TNR: variants seen among roughly 807,000 people sequenced by gnomAD.
TNR encodes tenascin R.
TNR carries 45 observed loss-of-function variants against 150.4 expected under a neutral mutation model. The observed-to-expected ratio is 0.30, with a 90% CI of 0.24 to 0.38. The LOEUF (loss-of-function observed/expected upper bound fraction) is 0.38, where lower values mean the gene tolerates loss of function less well. Ranked by LOEUF, TNR falls within the 10% of genes least tolerant of loss-of-function variation. The pLI is 1.00. For synonymous variants in TNR, 687 were observed against 678.4 expected, an observed-to-expected ratio of 1.01 and a Z score of -0.20; for missense variants, 1,544 against 1,759.1, an observed-to-expected ratio of 0.88 and a Z score of 2.19.
At chr1:175,446,577 A>G (rs896856937) in intron 2 of TNR, among the ~76,000 whole-genome samples, 2 of 152,198 alleles carry the variant, frequency 1.3e-5, no homozygotes, top group Non-Finnish European at 2.9e-5. Flanking sequence ...GTACAAACAC[A>G]TACATTATTA....
At chr1:175,472,999 A>G (rs1472612671) in intron 2 of TNR, among the ~76,000 whole-genome samples, 1 of 152,212 alleles carries the variant, frequency 6.6e-6, no homozygotes, top group African/African-American at 2.4e-5. Flanking sequence ...GAGCAGAGGT[A>G]TTGAATGTAG....
intron 1 of TNR, among the ~76,000 whole-genome samples, chr1:175,652,404 A>C (rs535864126): frequency 6.6e-6 from 1 of 152,224 alleles, no homozygotes; most frequent in East Asian, 1.9e-4. Context: ...AATATTTTTC[A>C]ATGTATAAAA....
At chr1:175,711,155 C>G (rs1667002883) in intron 1 of TNR, among the ~76,000 whole-genome samples, 2 of 152,146 alleles carry the variant, frequency 1.3e-5, no homozygotes, top group Admixed American at 6.5e-5. Flanking sequence ...AGACTATATA[C>G]TATGCCAGAG....
intron 1 of TNR, among the ~76,000 whole-genome samples, chr1:175,739,518 G>A (rs1287651929): frequency 4.0e-5 from 6 of 150,720 alleles, no homozygotes; most frequent in African/African-American, 7.3e-5. Context: ...ACACACGCAC[G>A]CACACACACA....
At chr1:175,335,405 G>T (rs992380149) in intron 20 of TNR, 10 of 263,792 alleles carry the variant, frequency 3.8e-5, no homozygotes, top group Non-Finnish European at 1.4e-5. Flanking sequence ...GCAGCCTGTT[G>T]CTCCCTGTGC....
intron 1 of TNR, among the ~76,000 whole-genome samples, chr1:175,738,901 T>C (rs1482664345): frequency 6.6e-6 from 1 of 152,258 alleles, no homozygotes; most frequent in African/African-American, 2.4e-5. Flanking sequence ...TTTATTAGCA[T>C]AGCACATCAT....
At chr1:175,715,169 C>T (rs947137455) in intron 1 of TNR, among the ~76,000 whole-genome samples, 1 of 152,186 alleles carries the variant, frequency 6.6e-6, no homozygotes, top group African/African-American at 2.4e-5. Flanking sequence ...ATGAGAAGCA[C>T]AGTTTGAAAA....
chr1:175,391,149 A>G, intron 7 of TNR, 139 bp downstream of exon 7: 1 of 1,017,912 alleles, frequency 9.8e-7, no homozygotes, highest in East Asian at 2.5e-5. Context: ...GAGTAGCTCC[A>G]TTGCCAGGTA....
chr1:175,639,535 C>A (rs1344518719), intron 1 of TNR, among the ~76,000 whole-genome samples: 2 of 152,166 alleles, frequency 1.3e-5, no homozygotes, highest in East Asian at 1.9e-4. Flanking sequence ...TCAGTAAATT[C>A]TTTTTACCAA....
At chr1:175,430,576 C>A (rs1269002517) in intron 2 of TNR, among the ~76,000 whole-genome samples, 1 of 152,176 alleles carries the variant, frequency 6.6e-6, no homozygotes, top group African/African-American at 2.4e-5. Context: ...TCACCTTACA[C>A]CTTTTTATCT....
chr1:175,716,360 C>A (rs138094821), intron 1 of TNR, among the ~76,000 whole-genome samples: 1 of 152,304 alleles, frequency 6.6e-6, no homozygotes, highest in African/African-American at 2.4e-5. Context: ...CCAAACCTTA[C>A]TCCTCCCACA....
At chr1:175,639,677 G>T (rs1329676850) in intron 1 of TNR, among the ~76,000 whole-genome samples, 1 of 152,068 alleles carries the variant, frequency 6.6e-6, no homozygotes, top group Non-Finnish European at 1.5e-5. Context: ...TAATCTACAA[G>T]ACCTTTCATG....
intron 1 of TNR, among the ~76,000 whole-genome samples, chr1:175,565,634 C>G (rs1661612215): frequency 6.6e-6 from 1 of 152,182 alleles, no homozygotes; most frequent in African/African-American, 2.4e-5. Flanking sequence ...TATCCAAACC[C>G]TTATAGACAC....
At chr1:175,606,793 C>T (rs1448751602) in intron 1 of TNR, among the ~76,000 whole-genome samples, 1 of 152,194 alleles carries the variant, frequency 6.6e-6, no homozygotes, top group African/African-American at 2.4e-5. Context: ...ACCATCCCTT[C>T]TCCTCTGGCT....
At chr1:175,365,697 CTT>C (rs1651805111) in intron 11 of TNR, among the ~76,000 whole-genome samples, 176 bp downstream of exon 11, 1 of 152,200 alleles carries the variant, frequency 6.6e-6, no homozygotes, top group South Asian at 2.1e-4. Context: ...CACCTCCCCT[CTT>C]TACTTCCAAC....
chr1:175,481,849 G>A (rs1209734468), intron 2 of TNR, among the ~76,000 whole-genome samples: 4 of 152,026 alleles, frequency 2.6e-5, no homozygotes, highest in Non-Finnish European at 4.4e-5. Context: ...AAGCACACAC[G>A]TCTGCCCAGA....
rs896869509 is a variant in TNR at position 175,366,106 on chromosome 1, C to T, written c.2086G>A (p.Ala696Thr). 2 of 1,611,838 alleles carry T rather than the reference C, an allele frequency of 1.2e-6. No individual in the cohort carries two copies. Among genetic ancestry groups the T allele is most frequent in the Non-Finnish European group, 1.7e-6 (2 of 1,178,564 alleles). Residue 696 changes from alanine to threonine, a missense_variant, in exon 11 of 23, where the codon GCC becomes ACC. Transcript: ENST00000367674. Reference protein sequence around the residue: ...LDSPRDLMVTASSETSISLIW... With the variant: ...LDSPRDLMVTTSSETSISLIW... ...AGGGAGATGGAGGTCTCCGAGGAGG[C>T]TGTCACCATGAGGTCTCGGGGACTG...
chr1:175,674,597 C>G (rs1665806143), intron 1 of TNR, among the ~76,000 whole-genome samples: 1 of 152,124 alleles, frequency 6.6e-6, no homozygotes, highest in African/African-American at 2.4e-5. Context: ...TGTTGGAGAC[C>G]AGGGTGGCCA....
chr1:175,553,376 T>C (rs1194100126), intron 1 of TNR, among the ~76,000 whole-genome samples: 1 of 152,174 alleles, frequency 6.6e-6, no homozygotes, highest in East Asian at 1.9e-4. Flanking sequence ...CAGCATCCAG[T>C]GTTATGGCTG....
Sources: allele counts gnomAD v4.1 joint callset (sites outside exome capture counted in the v4.1 genomes callset), GRCh38; gene constraint gnomAD v4.1.1; transcripts MANE v1.5; gene names NCBI Gene and HGNC (gene_info 2026-07-23, HGNC 2026-07-21).